The following ATP6V1B1 variants were observed in gnomAD, a reference collection of about 807,000 sequenced individuals.
ATP6V1B1 encodes the protein V-type proton ATPase subunit B, kidney isoform.
In ATP6V1B1, 41 loss-of-function variants were observed where a neutral mutation model predicts 62.1. That is an observed-to-expected ratio of 0.66 (90% confidence interval 0.51 to 0.86). The LOEUF is 0.86. ATP6V1B1 is among the 40% of genes least tolerant of loss of function. ATP6V1B1 has a pLI of 0.00. For synonymous variants in ATP6V1B1, 253 were observed against 273.4 expected (o/e 0.93, Z 0.74); for missense variants, 651 against 697.5 (o/e 0.93, Z 0.75).
intron 2 of ATP6V1B1, among the ~76,000 whole-genome samples, chr2:70,946,152 G>A (rs1680168807): frequency 6.6e-6 from 1 of 152,120 alleles, no homozygotes; most frequent in Admixed American, 6.5e-5. Context: ...ACATTAATGA[G>A]ATAAATGAAT....
chr2:70,940,642 C>T, intron 1 of ATP6V1B1: 1 of 985,388 alleles, frequency 1.0e-6, no homozygotes, highest in East Asian at 1.1e-4. Flanking sequence ...GAGGAGTCTT[C>T]CTATGCCCAA....
chr2:70,962,716 A>C (rs1449886528), intron 8 of ATP6V1B1, 61 bp from the exon 9 acceptor site: 72 of 1,606,342 alleles, frequency 4.5e-5, no homozygotes, highest in Non-Finnish European at 5.9e-5. Flanking sequence ...CTCAGCCCCC[A>C]GGCTATGTGG....
chr2:70,957,651 G>A (rs1378896475), intron 2 of ATP6V1B1: 6 of 337,466 alleles, frequency 1.8e-5, no homozygotes, highest in East Asian at 7.6e-5. Context: ...CATGCTAATG[G>A]ATCTGCATAT....
At chr2:70,944,668 C>G (rs201322521) in intron 2 of ATP6V1B1, among the ~76,000 whole-genome samples, 2 of 129,356 alleles carry the variant, frequency 1.5e-5, no homozygotes, top group Non-Finnish European at 3.2e-5. Context: ...CAGGTCTTTT[C>G]TTTTTTTTTT....
chr2:70,936,432 T>G (rs1206536872), intron 1 of ATP6V1B1, among the ~76,000 whole-genome samples: 1 of 152,054 alleles, frequency 6.6e-6, no homozygotes, highest in Non-Finnish European at 1.5e-5. Flanking sequence ...GTGAGGAGTG[T>G]GCACCCAAGC....
chr2:70,946,267 C>T (rs900723102), intron 2 of ATP6V1B1, among the ~76,000 whole-genome samples: 5 of 152,158 alleles, frequency 3.3e-5, no homozygotes, highest in Middle Eastern at 3.2e-3. Flanking sequence ...TGAGTTCATA[C>T]GGACATTACC....
chr2:70,961,083 C>T (rs1680574094), intron 7 of ATP6V1B1, 61 bp downstream of exon 7: 3 of 1,502,236 alleles, frequency 2.0e-6, no homozygotes, highest in African/African-American at 1.4e-5. Flanking sequence ...CTGTCTCCCT[C>T]AGCCCCTGGC....
At chr2:70,950,614 AG>A (rs1229603975) in intron 2 of ATP6V1B1, among the ~76,000 whole-genome samples, 3 of 151,930 alleles carry the variant, frequency 2.0e-5, no homozygotes, top group African/African-American at 7.3e-5. Context: ...AAAAAAAAGG[AG>A]GGGGGGAATG....
chr2:70,962,347 C>G (rs2072460), intron 8 of ATP6V1B1, among the ~76,000 whole-genome samples: 75,856 of 152,000 alleles, frequency 0.5, 19,158 homozygotes, highest in East Asian at 0.66. Flanking sequence ...AGAGGACATG[C>G]AGTGAGGGTG....
chr2:70,941,634 C>G (rs1680006828), intron 1 of ATP6V1B1: 1 of 870,284 alleles, frequency 1.1e-6, no homozygotes, highest in African/African-American at 1.8e-5. Flanking sequence ...AGGCACTTCA[C>G]ATTTTCATTT....
At chr2:70,938,163 G>A (rs1679903435) in intron 1 of ATP6V1B1, among the ~76,000 whole-genome samples, 1 of 152,112 alleles carries the variant, frequency 6.6e-6, no homozygotes, top group Admixed American at 6.5e-5. Flanking sequence ...CCAGGGGAAG[G>A]CTGGGATTCC....
chr2:70,942,447 C>T, intron 1 of ATP6V1B1: 1 of 398,608 alleles, frequency 2.5e-6, no homozygotes, highest in Non-Finnish European at 4.4e-6. Context: ...GTGAAAAGAG[C>T]TTAGATCAAA....
At chr2:70,947,353 C>T (rs1680205708) in intron 2 of ATP6V1B1, among the ~76,000 whole-genome samples, 2 of 152,168 alleles carry the variant, frequency 1.3e-5, no homozygotes, top group Non-Finnish European at 2.9e-5. Context: ...AGGCCCCACC[C>T]CAGAGCTCTG....
At chr2:70,955,439 C>T (rs1362320293) in intron 2 of ATP6V1B1, among the ~76,000 whole-genome samples, 1 of 152,178 alleles carries the variant, frequency 6.6e-6, no homozygotes, top group Admixed American at 6.5e-5. Flanking sequence ...AAAACATTGT[C>T]ATCACCTCAA....
Position 70,963,337 on chromosome 2 carries a change from C to T in ATP6V1B1, c.1060+25C>T, listed in dbSNP as rs782251210. On this transcript the variant is annotated intron_variant, in intron 10 of 13. Coordinates refer to ENST00000234396, the MANE Select transcript of ATP6V1B1 (RefSeq NM_001692.4). This position sits in a 1 kb window ranked among gnomAD's most constrained non-coding sequence, Gnocchi z 4.3. ...GGTAGCCTCCTCACAGCCCACTACC[C>T]TCCAGAGCTCCCCTGTCCTCCCTTT... 1.9e-6 allele frequency: 3 copies of T among 1,612,376 alleles called. No individual in the cohort carries two copies. The African/African-American group carries it at 4.0e-5, about 22-fold the overall frequency.
Position 70,963,435 on chromosome 2 carries a change from G to A in ATP6V1B1, c.1060+123G>A, listed in dbSNP as rs1481188640. On this transcript the variant is annotated intron_variant, in intron 10 of 13. Transcript: ENST00000234396. This position sits in a 1 kb window ranked among gnomAD's most constrained non-coding sequence, Gnocchi z 4.3. Reference sequence around the variant, plus strand: ...GCAGCGCTTTTCCTCCATCGAGATAGACACTGCCCTTTCCTCCACCATCCA... The same window carrying A: ...GCAGCGCTTTTCCTCCATCGAGATAAACACTGCCCTTTCCTCCACCATCCA... The A allele has an allele frequency of 6.5e-7, 1 of 1,541,762 alleles. No individual in the cohort carries two copies. The highest frequency in any genetic ancestry group is 2.3e-5 in the East Asian group (1 of 43,762).
chr2:70,964,683 TGGACTCCC>T, intron 12 of ATP6V1B1, 45 bp from the exon 13 acceptor site: 1 of 1,612,760 alleles, frequency 6.2e-7, no homozygotes, highest in Non-Finnish European at 8.5e-7. Context: ...TGGGGGCTAC[TGGACTCCC>T]GTGGTAAGCC....
Position 70,943,438 on chromosome 2 carries a change from C to T in ATP6V1B1, c.119-220C>T, listed in dbSNP as rs75946270. 6,850 of 677,934 alleles carry T rather than the reference C, an allele frequency of 0.01. 287 individuals carry two copies. The highest frequency in any genetic ancestry group is 0.097 in the African/African-American group (5,537 of 57,002). The allele number at this position is 677,934 out of a possible 1,614,324, so 42.0% of individuals were successfully genotyped here. On this transcript the variant is annotated intron_variant, in intron 1 of 13. Coordinates refer to ENST00000234396, the MANE Select transcript of ATP6V1B1 (RefSeq NM_001692.4). Reference sequence around the variant, plus strand: ...AGGCCTCTGCCCTCTGCCTGGCCCTCCCCCAGCCTCCTGCAGGTGTCCGAG... The same window carrying T: ...AGGCCTCTGCCCTCTGCCTGGCCCTTCCCCAGCCTCCTGCAGGTGTCCGAG...
chr2:70,940,284 G>A, intron 1 of ATP6V1B1: 1 of 777,482 alleles, frequency 1.3e-6, no homozygotes, highest in Non-Finnish European at 1.6e-6. Flanking sequence ...CTGAGGCAGT[G>A]GAATTAGAAA....
Sources: allele counts gnomAD v4.1 joint callset (sites outside exome capture counted in the v4.1 genomes callset), GRCh38; gene constraint gnomAD v4.1.1; non-coding constraint Gnocchi (gnomAD v3.1); transcripts MANE v1.5; gene names NCBI Gene and HGNC (gene_info 2026-07-23, HGNC 2026-07-21).